Variants in USO1 observed in about 807,000 individuals in gnomAD.
USO1 encodes general vesicular transport factor p115.
USO1 carries 57 observed loss-of-function variants against 124.5 expected under a neutral mutation model. The ratio of observed to expected loss-of-function variants is 0.46; its 90% CI spans 0.37 to 0.57. The LOEUF is 0.57. Ranked by LOEUF, USO1 falls within the 20% of genes least tolerant of loss-of-function variation. The pLI is 0.00. For missense variants in USO1, 900 were observed against 1,040.6 expected (o/e 0.86, Z 1.86); for synonymous variants, 369 against 362.8 (o/e 1.02, Z -0.19).
Position 75,759,246 on chromosome 4 carries a change from C to CTTTT in USO1, c.295+1688_295+1691dup, listed in dbSNP as rs71208100. Among the ~76,000 whole-genome samples the CTTTT allele has an allele frequency of 5.5e-4, 38 of 69,124 alleles. 3 individuals carry two copies. The highest frequency in any genetic ancestry group is 2.1e-3 in the African/African-American group (32 of 15,528). 45.3% of individuals were successfully genotyped at this position (69,124 alleles called of 152,430 possible). On this transcript the variant is annotated intron_variant, in intron 4 of 23. Coordinates refer to ENST00000514213, the MANE Select transcript of USO1 (RefSeq NM_003715.4). ...TAATAGAATCACTTTTATTAAGGACCTTTTTTTTTTTTTTTTTTCTGAAAA... is the reference window on the plus strand; with the variant it reads ...TAATAGAATCACTTTTATTAAGGACCTTTTTTTTTTTTTTTTTTTTTTCTGAAAA...
chr4:75,726,583 A>G (rs967590898), intron 1 of USO1, among the ~76,000 whole-genome samples: 5 of 148,144 alleles, frequency 3.4e-5, no homozygotes, highest in African/African-American at 1.2e-4. Context: ...AAAAAAAAAT[A>G]ACTGCGCAGG....
At position 75,790,161 on chromosome 4, in the gene USO1, T is replaced by C. The variant is rs1375589168; in HGVS notation, c.1008T>C (p.Thr336=). The change falls in exon 11 of 24, where the codon ACT becomes ACC. Residue 336 remains threonine, a synonymous_variant. Transcript: ENST00000514213. ...CTTCCCCTTAACAGACCATAAATACTGTATCAGAAGTTATTCGAGGCTGCC... is the reference window on the plus strand; with the variant it reads ...CTTCCCCTTAACAGACCATAAATACCGTATCAGAAGTTATTCGAGGCTGCC... The part of the protein sequence containing the change: ...PADILTETIN[T]VSEVIRGCQV... 1 of 1,601,724 alleles carries C rather than the reference T, an allele frequency of 6.2e-7. No homozygotes were observed. The highest frequency in any genetic ancestry group is 8.5e-7 in the Non-Finnish European group (1 of 1,173,858).
intron 19 of USO1, among the ~76,000 whole-genome samples, chr4:75,806,046 C>T (rs890039021): frequency 6.6e-6 from 1 of 152,092 alleles, no homozygotes; most frequent in Non-Finnish European, 1.5e-5. Context: ...GTCTGGAGCG[C>T]AGTGGCACAA....
At chr4:75,763,934 C>T (rs1577945695) in intron 4 of USO1, among the ~76,000 whole-genome samples, 2 of 152,196 alleles carry the variant, frequency 1.3e-5, no homozygotes, top group South Asian at 4.1e-4. Context: ...ACACTTAAAG[C>T]TTTGTGTATT....
intron 3 of USO1, 51 bp from the exon 4 acceptor site, chr4:75,757,446 A>G: frequency 7.2e-7 from 1 of 1,382,498 alleles, no homozygotes; most frequent in Non-Finnish European, 9.4e-7. Context: ...TGGTCATAAC[A>G]GTTTATACTC....
chr4:75,770,773 C>T (rs769608699), intron 5 of USO1, 49 bp from the exon 6 acceptor site: 5 of 1,572,996 alleles, frequency 3.2e-6, no homozygotes, highest in Admixed American at 2.1e-5. Flanking sequence ...ATGTTTTTCT[C>T]GAAAATGTGA....
chr4:75,743,937 C>G (rs1372912504), intron 1 of USO1, among the ~76,000 whole-genome samples: 1 of 151,968 alleles, frequency 6.6e-6, no homozygotes, highest in East Asian at 1.9e-4. Context: ...CCACCACGGC[C>G]GGCTAATTTT....
intron 1 of USO1, 109 bp downstream of exon 1, chr4:75,724,994 T>TGTGGATCC: frequency 8.8e-7 from 1 of 1,137,572 alleles, no homozygotes; most frequent in Non-Finnish European, 1.3e-6. Context: ...GGAGGGGGCA[T>TGTGGATCC]CCACATGCCG....
chr4:75,777,562 T>G (rs979128938), intron 8 of USO1, among the ~76,000 whole-genome samples: 1 of 152,050 alleles, frequency 6.6e-6, no homozygotes, highest in African/African-American at 2.4e-5. Context: ...CAAAAAGATA[T>G]ACAGATGGCA....
intron 1 of USO1, chr4:75,745,450 C>T (rs1306044419): frequency 6.4e-6 from 3 of 467,812 alleles, no homozygotes; most frequent in Non-Finnish European, 1.3e-5. Context: ...GCAACAGATA[C>T]TCTGACTCAT....
chr4:75,794,592 A>AT (rs1722628671), intron 13 of USO1, among the ~76,000 whole-genome samples: 1 of 152,208 alleles, frequency 6.6e-6, no homozygotes, highest in Non-Finnish European at 1.5e-5. Flanking sequence ...CAAAACTCTA[A>AT]AGTCATTGAC....
Position 75,793,673 on chromosome 4 carries a change from GC to G in USO1, c.1241-15del. 6.3e-7 allele frequency: 1 copy of G among 1,587,324 alleles called. No individual in the cohort carries two copies. The highest frequency in any genetic ancestry group is 8.6e-7 in the Non-Finnish European group (1 of 1,165,114). On this transcript the variant is annotated splice_polypyrimidine_tract_variant and intron_variant, in intron 12 of 23. Transcript: ENST00000514213. ...AAAATCTAATATATTTTTATTGTCTGCCTGCCATCTTTGTAGCAACAGGTAA... is the reference window on the plus strand; with the variant it reads ...AAAATCTAATATATTTTTATTGTCTGCTGCCATCTTTGTAGCAACAGGTAA...
chr4:75,724,862 C>T lies in USO1; in HGVS notation c.43C>T (p.Pro15Ser), dbSNP rs1027950104. Residue 15 changes from proline (P) to serine (S), a missense_variant, in exon 1 of 24, where the codon CCC becomes TCC. Around this residue, in one of 2 missense-constraint regions of USO1, gnomAD observed 538 missense variants for 681.6 expected, o/e 0.79. Coordinates refer to ENST00000514213, the MANE Select transcript of USO1 (RefSeq NM_003715.4). ...GGTAATGGGGGGTCAGAGTGCCGGA[C>T]CCCAGCACACAGAAGCCGAGACGGT... ...RGVMGGQSAG[P>S]QHTEAETIQK... The T allele has an allele frequency of 6.2e-7, 1 of 1,613,592 alleles. No homozygotes were observed. The highest frequency in any genetic ancestry group is 8.5e-7 in the Non-Finnish European group (1 of 1,179,746).
At chr4:75,768,086 G>GGCTCACT (rs1412984881) in intron 4 of USO1, among the ~76,000 whole-genome samples, 1 of 151,928 alleles carries the variant, frequency 6.6e-6, no homozygotes, top group African/African-American at 2.4e-5. Context: ...GTACAATCAT[G>GGCTCACT]GCTCACTGCA....
rs1382318472 is a variant in USO1, at chr4:75,787,106, C to G, written c.900C>G (p.Thr300=). 2 of 1,606,872 alleles carry G rather than the reference C, an allele frequency of 1.2e-6. No homozygotes were observed. The highest frequency in any genetic ancestry group is 1.7e-6 in the Non-Finnish European group (2 of 1,177,022). ...LVSPTNPPGA[T]SSCQKAMFQC... ...CTCCCACCAACCCTCCTGGTGCTAC[C>G]AGTAGCTGCCAGAAGGCTATGTTCC... The change falls in exon 10 of 24, where the codon ACC becomes ACG. Residue 300 remains threonine, a synonymous_variant. Transcript: ENST00000514213.
chr4:75,731,705 A>T (rs1465003361), intron 1 of USO1, among the ~76,000 whole-genome samples: 1 of 152,238 alleles, frequency 6.6e-6, no homozygotes, highest in African/African-American at 2.4e-5. Flanking sequence ...TATGTTTTAA[A>T]TTTCAAGGTA....
chr4:75,769,426 GGA>G (rs1721859398), intron 4 of USO1, among the ~76,000 whole-genome samples: 1 of 151,996 alleles, frequency 6.6e-6, no homozygotes, highest in Admixed American at 6.6e-5. Context: ...CAATTAGATG[GGA>G]TTATGACTGT....
intron 1 of USO1, among the ~76,000 whole-genome samples, chr4:75,750,485 TTTTA>T (rs1402771502): frequency 1.3e-5 from 2 of 151,994 alleles, no homozygotes; most frequent in South Asian, 2.1e-4. Flanking sequence ...TTTTTTTAAT[TTTTA>T]TTTATTTATT....
chr4:75,740,355 G>A (rs966701540), intron 1 of USO1, among the ~76,000 whole-genome samples: 1 of 152,180 alleles, frequency 6.6e-6, no homozygotes, highest in Non-Finnish European at 1.5e-5. Context: ...TGGCACGACT[G>A]TGGCTCACTG....
Sources: gnomAD v4.1 joint callset for allele counts (sites outside exome capture counted in the v4.1 genomes callset) on GRCh38, gnomAD v4.1.1 for gene constraint, gnomAD v4.1.1 regional missense constraint, MANE v1.5 for transcripts, NCBI Gene and HGNC (gene_info 2026-07-23, HGNC 2026-07-21) for gene names.